Variants in MYT1L observed in about 807,000 individuals in gnomAD.
MYT1L encodes the protein myelin transcription factor 1 like, also known as myelin transcription factor 1-like protein.
A neutral mutation model predicts 126.7 loss-of-function variants in MYT1L; 12 were observed. The ratio of observed to expected loss-of-function variants is 0.09; its 90% confidence interval spans 0.06 to 0.15. The LOEUF (loss-of-function observed/expected upper bound fraction) is 0.15. Among genes scored for constraint, MYT1L ranks in the 10% least tolerant of loss-of-function variants. The pLI is 1.00. For synonymous variants in MYT1L, 541 were observed against 604.2 expected (o/e 0.90, Z 1.53); for missense variants, 979 against 1,585.2 (o/e 0.62, Z 6.49).
At chr2:1,838,182 G>T (rs1002988683) in intron 21 of MYT1L, among the ~76,000 whole-genome samples, 1 of 152,052 alleles carries the variant, frequency 6.6e-6, no homozygotes, top group Non-Finnish European at 1.5e-5. Flanking sequence ...TCAAAGTGCT[G>T]GGATTACAGG....
chr2:1,906,820 G>A (rs1350597628), intron 13 of MYT1L, among the ~76,000 whole-genome samples: 3 of 151,912 alleles, frequency 2.0e-5, no homozygotes, highest in African/African-American at 7.3e-5. Flanking sequence ...GCTCATGCCT[G>A]TAATCCCAAC....
chr2:2,314,285 G>A (rs1045623969), intron 1 of MYT1L, among the ~76,000 whole-genome samples: 1 of 152,150 alleles, frequency 6.6e-6, no homozygotes, highest in Admixed American at 6.5e-5. Context: ...CCATGTCACT[G>A]TGAATCATAT....
At chr2:1,990,933 C>T (rs536395380) in intron 5 of MYT1L, among the ~76,000 whole-genome samples, 134 of 152,332 alleles carry the variant, frequency 8.8e-4, no homozygotes, top group African/African-American at 1.6e-3. Flanking sequence ...GCCTCACAGG[C>T]GGCCATCTGG....
At chr2:1,961,045 A>G (rs1406929859) in intron 8 of MYT1L, among the ~76,000 whole-genome samples, 2 of 152,026 alleles carry the variant, frequency 1.3e-5, no homozygotes, top group African/African-American at 4.8e-5. Flanking sequence ...GTTAGCACTC[A>G]ACAATTAGTA....
intron 4 of MYT1L, among the ~76,000 whole-genome samples, chr2:2,003,043 G>A (rs1042896444): frequency 6.6e-5 from 10 of 152,084 alleles, no homozygotes; most frequent in Non-Finnish European, 2.9e-5. Flanking sequence ...CATGAGAATG[G>A]ACTAATATAC....
At chr2:2,296,491 G>A (rs2095696049) in intron 1 of MYT1L, among the ~76,000 whole-genome samples, 1 of 152,120 alleles carries the variant, frequency 6.6e-6, no homozygotes, top group South Asian at 2.1e-4. Flanking sequence ...AGATATTTTT[G>A]TGTATGGGCA....
chr2:2,247,727 T>G (rs1310122585), intron 2 of MYT1L, among the ~76,000 whole-genome samples: 1 of 152,166 alleles, frequency 6.6e-6, no homozygotes, highest in African/African-American at 2.4e-5. Context: ...CATGAATAAT[T>G]TTAGAATTTC....
At chr2:2,075,596 A>C (rs976757678) in intron 3 of MYT1L, among the ~76,000 whole-genome samples, 4 of 152,246 alleles carry the variant, frequency 2.6e-5, no homozygotes, top group African/African-American at 9.6e-5. Flanking sequence ...AACTGTAAGA[A>C]TCATTGGAGG....
intron 8 of MYT1L, among the ~76,000 whole-genome samples, chr2:1,974,263 G>C (rs894018301): frequency 2.0e-5 from 3 of 152,194 alleles, no homozygotes; most frequent in African/African-American, 7.2e-5. Context: ...GGCCACCTCT[G>C]AGTGTGGTGT....
intron 19 of MYT1L, among the ~76,000 whole-genome samples, chr2:1,849,610 G>T (rs1040225795): frequency 9.8e-5 from 15 of 152,356 alleles, no homozygotes; most frequent in Admixed American, 8.5e-4. Flanking sequence ...TGCCGCACAG[G>T]TCCCACGGTG....
intron 2 of MYT1L, among the ~76,000 whole-genome samples, chr2:2,186,793 T>C (rs1232535608): frequency 6.6e-6 from 1 of 152,170 alleles, no homozygotes; most frequent in East Asian, 1.9e-4. Context: ...AATTCGAAAA[T>C]ATTGTAAACT....
intron 2 of MYT1L, among the ~76,000 whole-genome samples, chr2:2,242,754 T>G (rs2094462522): frequency 6.6e-6 from 1 of 152,114 alleles, no homozygotes. Context: ...GTCTAGTGAG[T>G]GGGCATACAC....
chr2:2,014,647 A>G (rs1243678513), intron 4 of MYT1L, among the ~76,000 whole-genome samples: 1 of 152,212 alleles, frequency 6.6e-6, no homozygotes, highest in Non-Finnish European at 1.5e-5. Flanking sequence ...TCATAATCTG[A>G]GTGCTCAGCC....
chr2:2,087,485 C>T (rs2076474772), intron 3 of MYT1L, among the ~76,000 whole-genome samples: 1 of 152,162 alleles, frequency 6.6e-6, no homozygotes, highest in African/African-American at 2.4e-5. Flanking sequence ...CCTGCAGGTT[C>T]ATCTATGCTG....
At chr2:2,200,228 A>G (rs777508366) in intron 2 of MYT1L, among the ~76,000 whole-genome samples, 2 of 152,162 alleles carry the variant, frequency 1.3e-5, no homozygotes, top group African/African-American at 4.8e-5. Context: ...AGAGGTCATG[A>G]TTTGCCATTG....
At chr2:2,123,448 G>A (rs1337985403) in intron 3 of MYT1L, among the ~76,000 whole-genome samples, 2 of 152,158 alleles carry the variant, frequency 1.3e-5, no homozygotes, top group Admixed American at 6.5e-5. Context: ...GCCAAGTGTT[G>A]GAGGAGGGGC....
At chr2:2,212,114 T>C (rs1345822048) in intron 2 of MYT1L, among the ~76,000 whole-genome samples, 1 of 152,162 alleles carries the variant, frequency 6.6e-6, no homozygotes, top group East Asian at 1.9e-4. Context: ...TGGCGGTGTC[T>C]ATATGCGTAT....
At chr2:2,122,836 AAT>A (rs1006883206) in intron 3 of MYT1L, among the ~76,000 whole-genome samples, 6 of 116,150 alleles carry the variant, frequency 5.2e-5, no homozygotes, top group African/African-American at 1.5e-4. Flanking sequence ...GGAGGATAGG[AAT>A]GTGTGTGTGT....
chr2:2,282,659 T>A (rs28399240), intron 2 of MYT1L, among the ~76,000 whole-genome samples: 3,151 of 152,310 alleles, frequency 0.021, 114 homozygotes, highest in African/African-American at 0.072. Flanking sequence ...ACCATGTTTA[T>A]AAGGCAAAAT....
Sources: allele counts gnomAD v4.1 joint callset (sites outside exome capture counted in the v4.1 genomes callset), GRCh38; gene constraint gnomAD v4.1.1; transcripts MANE v1.5; gene names NCBI Gene and HGNC (gene_info 2026-07-23, HGNC 2026-07-21).